Variants in RAB1B observed in about 807,000 individuals in gnomAD.
The protein encoded by RAB1B is ras-related protein Rab-1B.
In RAB1B, 10 loss-of-function variants were observed where a neutral mutation model predicts 24.8. The observed-to-expected ratio is 0.40, with a 90% CI of 0.25 to 0.68. The LOEUF (loss-of-function observed/expected upper bound fraction) is 0.68. Ranked by LOEUF, RAB1B falls within the 30% of genes least tolerant of loss-of-function variation. RAB1B has a pLI of 0.37. For missense variants in RAB1B, 154 were observed against 271.2 expected, an observed-to-expected ratio of 0.57 and a Z score of 3.04; for synonymous variants, 99 against 111.7, an observed-to-expected ratio of 0.89 and a Z score of 0.72.
intron 1 of RAB1B, 127 bp downstream of exon 1, chr11:66,268,820 T>TG (rs1856990324): frequency 1.3e-5 from 7 of 534,658 alleles, no homozygotes; most frequent in Admixed American, 1.3e-4. Context: ...CCTCTTCCGC[T>TG]GACCCCCCCC....
intron 4 of RAB1B, among the ~76,000 whole-genome samples, chr11:66,275,550 G>A (rs1857127909): frequency 6.6e-6 from 1 of 152,160 alleles, no homozygotes; most frequent in Non-Finnish European, 1.5e-5. Flanking sequence ...AGAGCTGGCA[G>A]GCCCAAGTTG....
intron 1 of RAB1B, 129 bp downstream of exon 1, chr11:66,268,822 AC>A (rs150627444): frequency 2.1e-5 from 13 of 622,514 alleles, no homozygotes; most frequent in African/African-American, 5.7e-5. Flanking sequence ...TCTTCCGCTG[AC>A]CCCCCCCCAC....
chr11:66,276,340 CTG>C lies in RAB1B; in HGVS notation c.*105_*106del. On this transcript the variant is annotated 3_prime_UTR_variant, in exon 6 of 6. Coordinates refer to ENST00000311481, the MANE Select transcript of RAB1B (RefSeq NM_030981.3). ...TCTCCCTCTCCTGGGGCATTTGAGT[CTG>C]TGGCTTTGGGGTGTCCTGGGCTCCC... 8.3e-7 allele frequency: 1 copy of C among 1,208,756 alleles called. No individual in the cohort carries two copies. Among genetic ancestry groups the C allele is most frequent in the Non-Finnish European group, 1.1e-6 (1 of 893,280 alleles). The allele number at this position is 1,208,756 out of a possible 1,614,324, so 74.9% of individuals were successfully genotyped here. A position where few individuals can be genotyped will look rare whatever the true frequency, so the allele number is the denominator to read the frequency against.
chr11:66,274,971 G>A (rs1857118583), intron 4 of RAB1B, among the ~76,000 whole-genome samples: 2 of 151,886 alleles, frequency 1.3e-5, no homozygotes, highest in Admixed American at 1.3e-4. Flanking sequence ...GGTGGTCTGG[G>A]GGCTCCCCAG....
At chr11:66,276,001 C>A in intron 5 of RAB1B, 43 bp from the exon 6 acceptor site, 1 of 1,589,214 alleles carries the variant, frequency 6.3e-7, no homozygotes. Context: ...CCTGCTCTCC[C>A]CTCCTCTTCT....
At chr11:66,273,384 A>G (rs1033455511) in intron 4 of RAB1B, among the ~76,000 whole-genome samples, 6 of 152,154 alleles carry the variant, frequency 3.9e-5, no homozygotes, top group African/African-American at 7.2e-5. Flanking sequence ...CCTGACTGCC[A>G]TATATCCAGT....
rs1186537038 is a variant in RAB1B, at chr11:66,268,644, C to A, written c.-36C>A. On this transcript the variant is annotated 5_prime_UTR_variant, in exon 1 of 6. Coordinates refer to ENST00000311481, the MANE Select transcript of RAB1B (RefSeq NM_030981.3). Reference sequence around the variant, plus strand: ...CTTGGAACGGGAGGCGGAGCAGAGTCGACTGGGAGCGACCGAGCGGGCCGC... The same window carrying A: ...CTTGGAACGGGAGGCGGAGCAGAGTAGACTGGGAGCGACCGAGCGGGCCGC... The A allele has an allele frequency of 4.5e-6, 7 of 1,556,342 alleles. No homozygotes were observed. In the East Asian group the frequency reaches 1.2e-4, roughly 26 times the overall value.
At chr11:66,271,931 G>A (rs904892076) in intron 2 of RAB1B, 62 bp downstream of exon 2, 71 of 1,349,580 alleles carry the variant, frequency 5.3e-5, no homozygotes, top group Non-Finnish European at 1.3e-5. Context: ...GGGGGAGAAG[G>A]GACAACACAG....
intron 2 of RAB1B, 143 bp from the exon 3 acceptor site, chr11:66,272,014 C>T: frequency 1.1e-6 from 1 of 944,396 alleles, no homozygotes; most frequent in East Asian, 2.4e-5. Flanking sequence ...CTGCCCTGAA[C>T]AAGACAGGGC....
At chr11:66,273,127 T>G (rs1368916983) in intron 4 of RAB1B, among the ~76,000 whole-genome samples, 3 of 152,252 alleles carry the variant, frequency 2.0e-5, no homozygotes, top group African/African-American at 7.2e-5. Context: ...GTCCTTCAGC[T>G]AGTCCGGTGG....
chr11:66,268,924 A>C (rs1418784829), intron 1 of RAB1B, among the ~76,000 whole-genome samples: 2 of 136,828 alleles, frequency 1.5e-5, no homozygotes, highest in African/African-American at 2.7e-5. Flanking sequence ...GGCGACCCCC[A>C]GGGGCAGCTC....
intron 2 of RAB1B, 85 bp downstream of exon 2, chr11:66,271,954 G>T (rs1002398632): frequency 7.7e-6 from 9 of 1,176,354 alleles, no homozygotes; most frequent in Non-Finnish European, 1.2e-5. Context: ...CACAGTAGTT[G>T]CAAGATCTGG....
chr11:66,272,027 G>A lies in RAB1B; in HGVS notation c.88-130G>A. ...ATCTGCCCTGAACAAGACAGGGCTG[G>A]CCAGCTGAGTGCTGGGAATTGGGGC... On this transcript the variant is annotated intron_variant, in intron 2 of 5. Coordinates refer to ENST00000311481, the MANE Select transcript of RAB1B (RefSeq NM_030981.3). 3.2e-6 allele frequency: 3 copies of A among 950,108 alleles called. No individual in the cohort carries two copies. In the South Asian group the frequency reaches 3.9e-5, roughly 12 times the overall value. 58.9% of individuals were successfully genotyped at this position (950,108 alleles called of 1,614,324 possible). A position where few individuals can be genotyped will look rare whatever the true frequency, so the allele number is the denominator to read the frequency against.
chr11:66,271,758 C>T, intron 1 of RAB1B, 39 bp from the exon 2 acceptor site: 3 of 1,482,704 alleles, frequency 2.0e-6, no homozygotes, highest in Non-Finnish European at 2.8e-6. Context: ...TAGGTGGGCT[C>T]CCTGCCTCCC....
chr11:66,274,376 G>A (rs113475034), intron 4 of RAB1B, among the ~76,000 whole-genome samples: 4,107 of 152,260 alleles, frequency 0.027, 181 homozygotes, highest in African/African-American at 0.093. Flanking sequence ...AGGAGGTACT[G>A]TTTATAGAAA....
chr11:66,276,306 G>A lies in RAB1B; in HGVS notation c.*68G>A, dbSNP rs1296583756. On this transcript the variant is annotated 3_prime_UTR_variant, in exon 6 of 6. Transcript: ENST00000311481. ...ATGATGTCCCTGGAGGGGGCAGGAG[G>A]TACCTCCCTCTCCCTCTCCTGGGGC... 10 of 1,403,342 alleles carry A rather than the reference G, an allele frequency of 7.1e-6. No homozygotes were observed. Among genetic ancestry groups the A allele is most frequent in the African/African-American group, 2.9e-5 (2 of 69,500 alleles). 86.9% of individuals were successfully genotyped at this position (1,403,342 alleles called of 1,614,324 possible).
At chr11:66,273,289 T>C (rs1202192255) in intron 4 of RAB1B, among the ~76,000 whole-genome samples, 1 of 152,238 alleles carries the variant, frequency 6.6e-6, no homozygotes, top group Non-Finnish European at 1.5e-5. Context: ...CCGGGCTCTT[T>C]AGCTCACCAG....
In RAB1B at chr11:66,276,226, T is replaced by C; in HGVS notation, c.594T>C (p.Gly198=). ...IDSTPVKPAG[G]GCC ...GCACCCCTGTAAAGCCGGCTGGCGG[T>C]GGCTGTTGCTAGGAGGGGCACATGG... The change falls in exon 6 of 6, where the codon GGT becomes GGC. Residue 198 remains glycine (G), a synonymous_variant. Transcript: ENST00000311481. 6.3e-7 allele frequency: 1 copy of C among 1,590,024 alleles called. No homozygotes were observed. The highest frequency in any genetic ancestry group is 8.5e-7 in the Non-Finnish European group (1 of 1,171,480).
rs1163018906 is a variant in RAB1B at position 66,275,806 on chromosome 11, A to G, written c.282A>G (p.Glu94=). The change falls in exon 5 of 6, where the codon GAA becomes GAG. Residue 94 remains glutamate, a splice_region_variant and synonymous_variant. Coordinates refer to ENST00000311481, the MANE Select transcript of RAB1B (RefSeq NM_030981.3). ...IIVVYDVTDQ[E]SYANVKQWLQ... is the part of the protein sequence containing the mutation. The stretch of plus-strand genomic sequence containing the variant: ...CTTTGGCCCCTGGCCCCCTTTAGGA[A>G]TCCTACGCCAACGTGAAGCAGTGGC... 3.2e-6 allele frequency: 5 copies of G among 1,577,192 alleles called. No homozygotes were observed. The East Asian group carries it at 1.1e-4, about 36-fold the overall frequency.
Sources: allele counts gnomAD v4.1 joint callset (sites outside exome capture counted in the v4.1 genomes callset), GRCh38; gene constraint gnomAD v4.1.1; transcripts MANE v1.5; gene names NCBI Gene and HGNC (gene_info 2026-07-23, HGNC 2026-07-21).